The following GRTP1 variants were observed in gnomAD, a reference collection of about 807,000 sequenced individuals.
GRTP1 encodes the protein growth hormone regulated TBC protein 1, also known as growth hormone-regulated TBC protein 1.
A neutral mutation model predicts 38.1 loss-of-function variants in GRTP1; 56 were observed. That is an observed-to-expected ratio of 1.47 (90% CI 1.19 to 1.84). The LOEUF (loss-of-function observed/expected upper bound fraction) is 1.84. Ranked by LOEUF, GRTP1 falls within the 40% of genes most tolerant of loss-of-function variation. The pLI, the probability that GRTP1 is intolerant of heterozygous loss-of-function variation, is 0.00. For synonymous variants in GRTP1, 217 were observed against 189.5 expected, an observed-to-expected ratio of 1.14 and a Z score of -1.19; for missense variants, 506 against 453.9, an observed-to-expected ratio of 1.11 and a Z score of -1.04.
intron 5 of GRTP1, among the ~76,000 whole-genome samples, chr13:113,340,830 G>A (rs1008609481): frequency 6.6e-6 from 1 of 151,870 alleles, no homozygotes; most frequent in African/African-American, 2.4e-5. Context: ...AAAAGCAGGA[G>A]TTACCTGTTC....
At chr13:113,338,011 A>G (rs185927064) in intron 5 of GRTP1, among the ~76,000 whole-genome samples, 206 of 152,214 alleles carry the variant, frequency 1.4e-3, no homozygotes, top group Middle Eastern at 0.01. Context: ...TTCAGAGGAA[A>G]CCAGGTCAAA....
rs61651315 is a variant in GRTP1, at chr13:113,327,603, G to A, written c.563-1512C>T. On this transcript the variant is annotated intron_variant, in intron 5 of 7. Coordinates refer to ENST00000375431, the MANE Select transcript of GRTP1 (RefSeq NM_024719.4). ...AGTCGGTTTAATAGTAAATACTAAC[G>A]CCTCTGAAGGTGATTTAGCCAGAGC... is the stretch of plus-strand genomic sequence containing the variant. Among the ~76,000 whole-genome samples the A allele has an allele frequency of 8.8e-3, 1,336 of 152,324 alleles. 70 individuals are homozygous for A. In the East Asian group the frequency reaches 0.13, roughly 15 times the overall value.
At chr13:113,355,256 A>C in intron 3 of GRTP1, 67 bp downstream of exon 3, 2 of 1,549,906 alleles carry the variant, frequency 1.3e-6, no homozygotes, top group South Asian at 2.3e-5. Flanking sequence ...GAGGCTAGAC[A>C]CTGGGTGGAA....
Position 113,349,923 on chromosome 13 carries a change from A to C in GRTP1, c.465+926T>G, listed in dbSNP as rs967134225. Among the ~76,000 whole-genome samples the C allele has an allele frequency of 2.0e-5, 3 of 151,470 alleles. No homozygotes were observed. Among genetic ancestry groups the C allele is most frequent in the Non-Finnish European group, 4.4e-5 (3 of 67,880 alleles). On this transcript the variant is annotated intron_variant, in intron 4 of 7. Coordinates refer to ENST00000375431, the MANE Select transcript of GRTP1 (RefSeq NM_024719.4). The surrounding 1 kb of genome is among the most constrained non-coding windows in gnomAD (Gnocchi z 5.0). ...ACGATGTCCTTCCCTGTCCTCCTAG[A>C]AACGTTTAAGCCAGCCACAACCCCT...
chr13:113,346,045 C>CAA (rs2043105881), intron 4 of GRTP1, among the ~76,000 whole-genome samples: 1 of 75,624 alleles, frequency 1.3e-5, no homozygotes, highest in Non-Finnish European at 2.7e-5. Context: ...CATCTGTGGC[C>CAA]GAGAGCAGAC....
rs1474313987 is a variant in GRTP1 at position 113,348,846 on chromosome 13, G to A, written c.465+2003C>T. 2.6e-5 allele frequency among the ~76,000 whole-genome samples: 4 copies of A among 152,142 alleles called. No homozygotes were observed. The highest frequency in any genetic ancestry group is 4.8e-5 in the African/African-American group (2 of 41,422). Reference sequence around the variant, plus strand: ...ACCTCACCTGCCCCGCAGATGCCGCGACCTCTGATGCACAGCTTCCAGAGC... The same window carrying A: ...ACCTCACCTGCCCCGCAGATGCCGCAACCTCTGATGCACAGCTTCCAGAGC... On this transcript the variant is annotated intron_variant, in intron 4 of 7. Transcript: ENST00000375431. The surrounding 1 kb of genome is among the most constrained non-coding windows in gnomAD (Gnocchi z 4.8).
At chr13:113,336,090 C>T (rs2042950575) in intron 5 of GRTP1, among the ~76,000 whole-genome samples, 1 of 152,180 alleles carries the variant, frequency 6.6e-6, no homozygotes, top group South Asian at 2.1e-4. Context: ...CCACGCCTGG[C>T]CAGGATCTCA....
Position 113,342,458 on chromosome 13 carries a change from T to C in GRTP1, c.562+2405A>G, listed in dbSNP as rs2043039379. Among the ~76,000 whole-genome samples the C allele has an allele frequency of 6.6e-6, 1 of 152,006 alleles. No homozygotes were observed. The highest frequency in any genetic ancestry group is 6.6e-5 in the Admixed American group (1 of 15,266). On this transcript the variant is annotated intron_variant, in intron 5 of 7. Coordinates refer to ENST00000375431, the MANE Select transcript of GRTP1 (RefSeq NM_024719.4). The surrounding 1 kb of genome is among the most constrained non-coding windows in gnomAD (Gnocchi z 4.5). ...GGGAGGCGGAGCTTGCAGTGAGCCA[T>C]TGTGCCACTGCACTCCAGCCTGGGC... is the stretch of plus-strand genomic sequence containing the variant.
chr13:113,336,083 C>T (rs553399431), intron 5 of GRTP1, among the ~76,000 whole-genome samples: 12 of 152,340 alleles, frequency 7.9e-5, no homozygotes, highest in African/African-American at 2.4e-4. Flanking sequence ...ACAGCCACCA[C>T]GCCTGGCCAG....
intron 4 of GRTP1, among the ~76,000 whole-genome samples, chr13:113,346,072 GGCT>G (rs1198126822): frequency 2.4e-5 from 2 of 84,512 alleles, no homozygotes; most frequent in African/African-American, 1.0e-4. Context: ...GGACCTCTGC[GGCT>G]GAGCAGACCT....
intron 5 of GRTP1, among the ~76,000 whole-genome samples, chr13:113,341,788 G>A (rs182045816): frequency 2.0e-5 from 3 of 152,300 alleles, no homozygotes; most frequent in Admixed American, 2.0e-4. Context: ...ATGGGGATGT[G>A]CCAGTGAAGG....
At chr13:113,333,838 A>ATTTT (rs749095615) in intron 5 of GRTP1, among the ~76,000 whole-genome samples, 332 of 23,598 alleles carry the variant, frequency 0.014, 1 homozygote, top group Middle Eastern at 0.028. Context: ...TTATTTATTT[A>ATTTT]GTGTGTGTGT....
intron 7 of GRTP1, chr13:113,325,050 G>C: frequency 1.1e-6 from 1 of 890,380 alleles, no homozygotes; most frequent in African/African-American, 1.8e-5. Context: ...GGCTGGTCTT[G>C]AACTCCTGAC....
chr13:113,352,141 A>G (rs1482160324), intron 3 of GRTP1, among the ~76,000 whole-genome samples: 3 of 149,168 alleles, frequency 2.0e-5, no homozygotes, highest in Admixed American at 6.8e-5. Context: ...AAATGGAATC[A>G]GTCAAGGGGA....
At chr13:113,351,192 T>C (rs2043259506) in intron 3 of GRTP1, among the ~76,000 whole-genome samples, 1 of 151,978 alleles carries the variant, frequency 6.6e-6, no homozygotes, top group African/African-American at 2.4e-5. Context: ...GCCCTAACCG[T>C]CCTTCCCGCA....
intron 5 of GRTP1, among the ~76,000 whole-genome samples, chr13:113,331,262 G>C (rs1289193184): frequency 6.6e-6 from 1 of 152,186 alleles, no homozygotes; most frequent in Admixed American, 6.5e-5. Context: ...CATGGTCTTT[G>C]CTCCTCATCT....
intron 3 of GRTP1, among the ~76,000 whole-genome samples, chr13:113,353,931 A>C (rs528040979): frequency 1.3e-5 from 2 of 152,074 alleles, no homozygotes; most frequent in Non-Finnish European, 2.9e-5. Context: ...GTGGTGGTGC[A>C]CACCTGTGGT....
chr13:113,353,400 G>T (rs1416932520), intron 3 of GRTP1, among the ~76,000 whole-genome samples: 2 of 152,266 alleles, frequency 1.3e-5, no homozygotes, highest in Admixed American at 1.3e-4. Context: ...AATGTAGTCT[G>T]CCCATGCGTG....
At chr13:113,331,090 C>T (rs970685613) in intron 5 of GRTP1, among the ~76,000 whole-genome samples, 1 of 151,856 alleles carries the variant, frequency 6.6e-6, no homozygotes, top group Non-Finnish European at 1.5e-5. Context: ...GCACGGGAGC[C>T]CAGGTGTGTG....
Sources: gnomAD v4.1 joint callset for allele counts (sites outside exome capture counted in the v4.1 genomes callset) on GRCh38, gnomAD v4.1.1 for gene constraint, Gnocchi (gnomAD v3.1) non-coding constraint, MANE v1.5 for transcripts, NCBI Gene and HGNC (gene_info 2026-07-23, HGNC 2026-07-21) for gene names.